LYPLAL1: variants seen among roughly 807,000 people sequenced by gnomAD.
LYPLAL1 encodes the protein lysophospholipase like 1, also known as lysophospholipase-like protein 1.
LYPLAL1 carries 23 observed loss-of-function variants against 19.7 expected under a neutral mutation model. The observed-to-expected ratio is 1.17, with a 90% CI of 0.84 to 1.65. LYPLAL1 has a LOEUF of 1.65. LYPLAL1 is among the 40% of genes most tolerant of loss of function. The pLI is 0.00. For missense variants in LYPLAL1, 355 were observed against 279.4 expected (o/e 1.27, Z -1.93); for synonymous variants, 119 against 96.3 (o/e 1.24, Z -1.38).
intron 2 of LYPLAL1, among the ~76,000 whole-genome samples, chr1:219,181,765 A>G (rs1412723406): frequency 9.2e-5 from 14 of 152,146 alleles, no homozygotes. Flanking sequence ...TTAGTATATT[A>G]TAATTAGCTG....
the LYPLAL1 span, among the ~76,000 whole-genome samples, chr1:219,422,411 C>T: frequency 6.6e-6 from 1 of 152,128 alleles, no homozygotes; most frequent in African/African-American, 2.4e-5. Context: ...AAAGATAGGA[C>T]TTCCCAAGGG....
chr1:219,230,091 C>A, the LYPLAL1 span, among the ~76,000 whole-genome samples: 1 of 152,132 alleles, frequency 6.6e-6, no homozygotes, highest in Non-Finnish European at 1.5e-5. Context: ...TTTCACTATT[C>A]AACAACTTAA....
At chr1:219,229,337 G>GAGACACAC in the LYPLAL1 span, among the ~76,000 whole-genome samples, 2 of 130,084 alleles carry the variant, frequency 1.5e-5, no homozygotes, top group African/African-American at 5.6e-5. Context: ...GAGAGAGAGA[G>GAGACACAC]ACACGCAGGC....
chr1:219,180,066 G>A (rs990667546), intron 2 of LYPLAL1, among the ~76,000 whole-genome samples: 6 of 151,826 alleles, frequency 4.0e-5, no homozygotes, highest in Non-Finnish European at 8.8e-5. Context: ...GTGCAGTCTT[G>A]GCCCACAGCA....
chr1:219,390,887 T>C, the LYPLAL1 span, among the ~76,000 whole-genome samples: 3 of 152,204 alleles, frequency 2.0e-5, no homozygotes, highest in Non-Finnish European at 2.9e-5. Flanking sequence ...CTTGCACTTA[T>C]ATTAACTTCT....
the LYPLAL1 span, among the ~76,000 whole-genome samples, chr1:219,397,030 G>A: frequency 5.3e-5 from 8 of 152,290 alleles, no homozygotes; most frequent in South Asian, 8.3e-4. Flanking sequence ...TGCCCATTTA[G>A]TATGATGTTG....
the LYPLAL1 span, among the ~76,000 whole-genome samples, chr1:219,401,934 T>G: frequency 1.3e-5 from 2 of 152,162 alleles, no homozygotes; most frequent in African/African-American, 4.8e-5. Context: ...GTTGGTCAAT[T>G]GTTAGCAATA....
intron 2 of LYPLAL1, among the ~76,000 whole-genome samples, chr1:219,187,569 A>G (rs537037763): frequency 6.6e-6 from 1 of 151,852 alleles, no homozygotes; most frequent in African/African-American, 2.4e-5. Flanking sequence ...TATGATTTAT[A>G]TGATAATATA....
chr1:219,208,485 AT>A (rs1658749799), intron 3 of LYPLAL1, among the ~76,000 whole-genome samples: 2 of 152,044 alleles, frequency 1.3e-5, no homozygotes, highest in Non-Finnish European at 2.9e-5. Context: ...TACTACTTTC[AT>A]TAGAAACCCA....
chr1:219,354,272 C>T, the LYPLAL1 span, among the ~76,000 whole-genome samples: 1 of 152,196 alleles, frequency 6.6e-6, no homozygotes, highest in Non-Finnish European at 1.5e-5. Flanking sequence ...TCTTAGCTCA[C>T]TGGAACCTCC....
chr1:219,369,935 T>C, the LYPLAL1 span, among the ~76,000 whole-genome samples: 1 of 151,852 alleles, frequency 6.6e-6, no homozygotes, highest in South Asian at 2.1e-4. Context: ...CACCTTTGAG[T>C]TTGTCCTTGA....
At chr1:219,433,828 GT>G in the LYPLAL1 span, among the ~76,000 whole-genome samples, 4 of 152,194 alleles carry the variant, frequency 2.6e-5, no homozygotes, top group Non-Finnish European at 5.9e-5. Context: ...AGTTCAACTG[GT>G]TTTTGTTATC....
the LYPLAL1 span, among the ~76,000 whole-genome samples, chr1:219,259,006 T>C: frequency 3.3e-5 from 5 of 151,906 alleles, no homozygotes; most frequent in Non-Finnish European, 2.9e-5. Context: ...AAGAAACATA[T>C]GAAAATATGC....
At chr1:219,425,095 A>G in the LYPLAL1 span, among the ~76,000 whole-genome samples, 3 of 152,132 alleles carry the variant, frequency 2.0e-5, no homozygotes, top group East Asian at 5.8e-4. Context: ...AAACAAAGGC[A>G]CTGATAGACT....
chr1:219,380,880 A>G, the LYPLAL1 span, among the ~76,000 whole-genome samples: 1 of 152,200 alleles, frequency 6.6e-6, no homozygotes, highest in Non-Finnish European at 1.5e-5. Flanking sequence ...GCTGTGTTCT[A>G]ATAAAATTGT....
In LYPLAL1 at chr1:219,202,082, A is replaced by G. The variant is rs138339165; in HGVS notation, c.362-8450A>G. Among the ~76,000 whole-genome samples the G allele has an allele frequency of 1.3e-4, 20 of 152,340 alleles. No individual in the cohort carries two copies. The East Asian group carries it at 2.3e-3, about 18-fold the overall frequency. On this transcript the variant is annotated intron_variant, in intron 3 of 4. Coordinates refer to ENST00000366928, the MANE Select transcript of LYPLAL1 (RefSeq NM_138794.5). ...TGCCCTTAAGCTGACATCATATAACATAGTTAAGAACTTGGGCTCTAGACT... is the reference window on the plus strand; with the variant it reads ...TGCCCTTAAGCTGACATCATATAACGTAGTTAAGAACTTGGGCTCTAGACT...
chr1:219,322,938 A>G, the LYPLAL1 span, among the ~76,000 whole-genome samples: 17 of 152,222 alleles, frequency 1.1e-4, no homozygotes, highest in South Asian at 2.1e-4. Flanking sequence ...TTGTTTCTAC[A>G]TGTTGAAATA....
chr1:219,273,378 A>G, the LYPLAL1 span: 3 of 152,250 alleles, frequency 2.0e-5, no homozygotes, highest in Non-Finnish European at 2.9e-5. Flanking sequence ...AACTTCATTC[A>G]TAATCAGAAC....
At chr1:219,315,130 T>C in the LYPLAL1 span, among the ~76,000 whole-genome samples, 1 of 152,294 alleles carries the variant, frequency 6.6e-6, no homozygotes, top group South Asian at 2.1e-4. Flanking sequence ...TTAAGTATTA[T>C]TGGGAATCTC....
Sources: allele counts gnomAD v4.1 joint callset (sites outside exome capture counted in the v4.1 genomes callset), GRCh38; gene constraint gnomAD v4.1.1; transcripts MANE v1.5; gene names NCBI Gene and HGNC (gene_info 2026-07-23, HGNC 2026-07-21).